Variants in CDC42SE2 observed in about 807,000 individuals in gnomAD.
CDC42SE2 encodes the protein CDC42 small effector 2.
CDC42SE2 carries 3 observed loss-of-function variants against 11.5 expected under a neutral mutation model. The ratio of observed to expected loss-of-function variants is 0.26; its 90% CI spans 0.12 to 0.67. The LOEUF (loss-of-function observed/expected upper bound fraction) is 0.67, where lower values mean the gene tolerates loss of function less well. Among genes scored for constraint, CDC42SE2 ranks in the 30% least tolerant of loss-of-function variants. The pLI is 0.80. For synonymous variants in CDC42SE2, 33 were observed against 34.8 expected (o/e 0.95, Z 0.18); for missense variants, 82 against 106.8 (o/e 0.77, Z 1.02).
intron 1 of CDC42SE2, among the ~76,000 whole-genome samples, chr5:131,289,363 A>G (rs1210299841): frequency 6.6e-6 from 1 of 152,182 alleles, no homozygotes; most frequent in Non-Finnish European, 1.5e-5. Flanking sequence ...TGATAAAGCA[A>G]GGAGTCATGT....
intron 1 of CDC42SE2, among the ~76,000 whole-genome samples, chr5:131,289,730 T>G (rs1278523170): frequency 3.3e-5 from 5 of 152,174 alleles, no homozygotes; most frequent in Non-Finnish European, 7.3e-5. Context: ...ATTTCTTGTT[T>G]TGCTCACATG....
At chr5:131,285,840 C>T (rs6872972) in intron 1 of CDC42SE2, among the ~76,000 whole-genome samples, 116,362 of 151,992 alleles carry the variant, frequency 0.77, 44,897 homozygotes, top group Middle Eastern at 0.81. Flanking sequence ...CAGCTTCTTC[C>T]AGTTGCCTTT....
chr5:131,255,596 C>T (rs559426903), intron 2 of CDC42SE2: 22 of 152,282 alleles, frequency 1.4e-4, no homozygotes, highest in Admixed American at 5.9e-4. Flanking sequence ...CCCATCTCTA[C>T]TAAGAATACA....
At chr5:131,335,272 T>C (rs1034106468) in intron 2 of CDC42SE2, among the ~76,000 whole-genome samples, 18 of 152,218 alleles carry the variant, frequency 1.2e-4, no homozygotes, top group African/African-American at 4.1e-4. Flanking sequence ...TGTAGTTGAG[T>C]GATTTTGAGT....
At chr5:131,348,496 A>C (rs1330633436) in intron 2 of CDC42SE2, among the ~76,000 whole-genome samples, 1 of 152,228 alleles carries the variant, frequency 6.6e-6, no homozygotes, top group East Asian at 1.9e-4. Flanking sequence ...AAAAGGGGAT[A>C]CAAACAAATG....
At position 131,385,637 on chromosome 5, in the gene CDC42SE2, T is replaced by A; in HGVS notation, c.149T>A (p.Met50Lys). The A allele has an allele frequency of 6.2e-7, 1 of 1,606,156 alleles. No individual in the cohort carries two copies. Among genetic ancestry groups the A allele is most frequent in the Non-Finnish European group, 8.5e-7 (1 of 1,173,054 alleles). Residue 50 changes from methionine (M) to lysine (K), a missense_variant, in exon 4 of 5, where the codon ATG becomes AAG. Met to Lys is a moderately conservative substitution (Grantham distance 95). Coordinates refer to ENST00000505065, the MANE Select transcript of CDC42SE2 (RefSeq NM_001375635.1). The stretch of plus-strand genomic sequence containing the variant: ...GGATCAGGAGACCTGTTCAGTGGAA[T>A]GAATTCAGTAAGTATGTTGGTGGGA... The part of the protein sequence containing the change: ...HVGSGDLFSG[M>K]NSVSSIQNQM...
At chr5:131,311,763 G>A (rs568594893) in intron 1 of CDC42SE2, among the ~76,000 whole-genome samples, 2 of 152,060 alleles carry the variant, frequency 1.3e-5, no homozygotes, top group Admixed American at 6.6e-5. Context: ...CATTCTTCCC[G>A]TAGTTCTTGA....
At chr5:131,250,694 A>G (rs1163082834) in intron 1 of CDC42SE2, among the ~76,000 whole-genome samples, 1 of 152,204 alleles carries the variant, frequency 6.6e-6, no homozygotes, top group Non-Finnish European at 1.5e-5. Context: ...CCCACAAAAC[A>G]TATAATAAAA....
chr5:131,356,269 A>T (rs574853617), intron 2 of CDC42SE2, among the ~76,000 whole-genome samples: 5 of 152,350 alleles, frequency 3.3e-5, no homozygotes, highest in African/African-American at 1.2e-4. Context: ...ATAGGTTTTT[A>T]AAATGGTCAT....
the CDC42SE2 span, among the ~76,000 whole-genome samples, chr5:131,237,996 T>A: frequency 6.8e-6 from 1 of 148,146 alleles, no homozygotes; most frequent in Non-Finnish European, 1.5e-5. Context: ...ATGTTTTATA[T>A]ATAGGCTGTC....
intron 2 of CDC42SE2, among the ~76,000 whole-genome samples, chr5:131,356,667 G>A (rs1415615467): frequency 6.6e-6 from 1 of 152,280 alleles, no homozygotes; most frequent in East Asian, 1.9e-4. Flanking sequence ...TGTCTATAAT[G>A]CCAGCACTTT....
the CDC42SE2 span, among the ~76,000 whole-genome samples, chr5:131,233,700 A>T: frequency 6.6e-6 from 1 of 152,120 alleles, no homozygotes; most frequent in African/African-American, 2.4e-5. Flanking sequence ...ATTTGTATAG[A>T]CCTCATTCTG....
intron 2 of CDC42SE2, among the ~76,000 whole-genome samples, chr5:131,348,486 A>G (rs1758912836): frequency 6.6e-6 from 1 of 152,198 alleles, no homozygotes; most frequent in South Asian, 2.1e-4. Flanking sequence ...TCAATGAAAT[A>G]AAAGGGGATA....
chr5:131,311,866 C>T (rs1373328924), intron 1 of CDC42SE2, among the ~76,000 whole-genome samples: 1 of 152,026 alleles, frequency 6.6e-6, no homozygotes, highest in Non-Finnish European at 1.5e-5. Context: ...TCAAAGTTTT[C>T]AACTTCTTTG....
At chr5:131,350,902 A>T (rs911559786) in intron 2 of CDC42SE2, among the ~76,000 whole-genome samples, 5 of 152,280 alleles carry the variant, frequency 3.3e-5, no homozygotes, top group African/African-American at 9.6e-5. Flanking sequence ...GTGCAATACA[A>T]TAATCAGCTT....
At chr5:131,341,517 T>C (rs1238595781) in intron 2 of CDC42SE2, among the ~76,000 whole-genome samples, 2 of 152,166 alleles carry the variant, frequency 1.3e-5, no homozygotes, top group Non-Finnish European at 2.9e-5. Flanking sequence ...CAGGGGAGTA[T>C]GTGTATGATT....
At position 131,273,784 on chromosome 5, in the gene CDC42SE2, G is replaced by A. The variant is rs1176518502; in HGVS notation, c.-455+9618G>A. On this transcript the variant is annotated intron_variant, in intron 1 of 4. Transcript: ENST00000505065. ...CTCCGTCTCAAAAAAAAAAAAAAAAGTTTTTTTTTCTTGAGGCAGGGCCTT... is the reference window on the plus strand; with the variant it reads ...CTCCGTCTCAAAAAAAAAAAAAAAAATTTTTTTTTCTTGAGGCAGGGCCTT... Among the ~76,000 whole-genome samples the A allele has an allele frequency of 3.4e-3, 489 of 145,888 alleles. 3 individuals are homozygous for A. Among genetic ancestry groups the A allele is most frequent in the African/African-American group, 0.012 (463 of 38,072 alleles).
intron 2 of CDC42SE2, among the ~76,000 whole-genome samples, chr5:131,352,732 C>A (rs542404814): frequency 3.3e-5 from 5 of 152,018 alleles, no homozygotes; most frequent in African/African-American, 9.7e-5. Flanking sequence ...TAGTTTGAGA[C>A]GGATTTAGTG....
Position 131,391,153 on chromosome 5 carries a change from C to A in CDC42SE2, c.*62C>A. On this transcript the variant is annotated 3_prime_UTR_variant, in exon 5 of 5. Coordinates refer to ENST00000505065, the MANE Select transcript of CDC42SE2 (RefSeq NM_001375635.1). ...GTCTGGACCTGACGGCCAGACATGG[C>A]CAGGCCAATAATAGTAAATATATGT... 9.0e-7 allele frequency: 1 copy of A among 1,117,128 alleles called. No individual in the cohort carries two copies. The highest frequency in any genetic ancestry group is 1.3e-6 in the Non-Finnish European group (1 of 752,294). 69.2% of individuals were successfully genotyped at this position (1,117,128 alleles called of 1,614,324 possible). A position where few individuals can be genotyped will look rare whatever the true frequency, so the allele number is the denominator to read the frequency against.
Sources: gnomAD v4.1 joint callset for allele counts (sites outside exome capture counted in the v4.1 genomes callset) on GRCh38, gnomAD v4.1.1 for gene constraint, MANE v1.5 for transcripts, NCBI Gene and HGNC (gene_info 2026-07-23, HGNC 2026-07-21) for gene names.